The following LHFPL3 variants were observed in gnomAD, a reference collection of about 807,000 sequenced individuals.
The protein encoded by LHFPL3 is LHFPL tetraspan subfamily member 3, also known as LHFPL tetraspan subfamily member 3 protein.
In LHFPL3, 5 loss-of-function variants were observed where a neutral mutation model predicts 19.3. The observed-to-expected ratio is 0.26, with a 90% CI of 0.14 to 0.54. The LOEUF is 0.54. Ranked by LOEUF, LHFPL3 falls within the 20% of genes least tolerant of loss-of-function variation. The probability of loss-of-function intolerance (pLI) is 0.94; values close to 1 mark genes in which losing one functional copy is unlikely to be tolerated. For missense variants in LHFPL3, 249 were observed against 307.4 expected, an observed-to-expected ratio of 0.81 and a Z score of 1.42; for synonymous variants, 133 against 126.2, an observed-to-expected ratio of 1.05 and a Z score of -0.36.
intron 2 of LHFPL3, among the ~76,000 whole-genome samples, chr7:104,760,617 A>AT (rs11436198): frequency 0.24 from 36,252 of 152,020 alleles, 4,590 homozygotes; most frequent in South Asian, 0.48. Context: ...TCCTAGTGTC[A>AT]TTTTTTTAAG....
chr7:104,719,231 T>C (rs1271438871), intron 1 of LHFPL3, among the ~76,000 whole-genome samples: 1 of 152,166 alleles, frequency 6.6e-6, no homozygotes, highest in Non-Finnish European at 1.5e-5. Flanking sequence ...TTATTATACA[T>C]ACAAGTAGCC....
At chr7:104,668,673 A>G (rs1792409696) in intron 1 of LHFPL3, 1 of 1,610,974 alleles carries the variant, frequency 6.2e-7, no homozygotes, top group South Asian at 1.1e-5. Flanking sequence ...GTGGAGCTCC[A>G]GAGATGATTA....
intron 2 of LHFPL3, among the ~76,000 whole-genome samples, chr7:104,761,683 A>T (rs985441801): frequency 6.6e-6 from 1 of 152,188 alleles, no homozygotes; most frequent in African/African-American, 2.4e-5. Flanking sequence ...ATTTGATTTG[A>T]CTCAGAAGCA....
At chr7:104,550,110 G>T (rs752514070) in intron 1 of LHFPL3, among the ~76,000 whole-genome samples, 5 of 152,120 alleles carry the variant, frequency 3.3e-5, no homozygotes, top group Non-Finnish European at 5.9e-5. Context: ...GTGGCCTACT[G>T]CAGAAACCCT....
intron 2 of LHFPL3, among the ~76,000 whole-genome samples, chr7:104,833,035 A>ATATATATTATATATAAAAGATATATTT: frequency 0.027 from 74 of 2,730 alleles, 8 homozygotes; most frequent in African/African-American, 0.11. Context: ...GATATATTAT[A>ATATATATTATATATAAAAGATATATTT]TATATATATT....
At chr7:104,859,850 T>C (rs572695482) in intron 2 of LHFPL3, among the ~76,000 whole-genome samples, 1 of 152,270 alleles carries the variant, frequency 6.6e-6, no homozygotes, top group East Asian at 1.9e-4. Context: ...CTCTGGGTGA[T>C]AATGATGTGT....
chr7:104,813,149 A>G (rs576033401), intron 2 of LHFPL3, among the ~76,000 whole-genome samples: 1 of 152,032 alleles, frequency 6.6e-6, no homozygotes, highest in South Asian at 2.1e-4. Flanking sequence ...GTGAGAGTGC[A>G]CAACTGTGGT....
intron 1 of LHFPL3, among the ~76,000 whole-genome samples, chr7:104,455,208 G>T (rs1190472311): frequency 6.6e-6 from 1 of 152,182 alleles, no homozygotes; most frequent in Non-Finnish European, 1.5e-5. Flanking sequence ...ACATTAATTA[G>T]CATTTGCTTT....
At chr7:104,830,618 G>A (rs1468724547) in intron 2 of LHFPL3, among the ~76,000 whole-genome samples, 1 of 151,878 alleles carries the variant, frequency 6.6e-6, no homozygotes, top group African/African-American at 2.4e-5. Context: ...GTTTTTCTCA[G>A]GTTTGTCAAA....
chr7:104,630,148 T>C (rs1359514446), intron 1 of LHFPL3, among the ~76,000 whole-genome samples: 1 of 151,592 alleles, frequency 6.6e-6, no homozygotes, highest in African/African-American at 2.4e-5. Flanking sequence ...CAGGGAGGAG[T>C]CTCAACAGTC....
chr7:104,774,693 T>C (rs1255836395), intron 2 of LHFPL3, among the ~76,000 whole-genome samples: 3 of 152,228 alleles, frequency 2.0e-5, no homozygotes, highest in Non-Finnish European at 4.4e-5. Context: ...TGATGACTTA[T>C]ATGCTGGGCA....
At chr7:104,340,744 G>A (rs185214589) in intron 1 of LHFPL3, among the ~76,000 whole-genome samples, 7 of 152,252 alleles carry the variant, frequency 4.6e-5, no homozygotes, top group African/African-American at 1.4e-4. Context: ...TGAATTGTAT[G>A]CATTACTAAC....
At chr7:104,429,364 A>G (rs1241069071) in intron 1 of LHFPL3, among the ~76,000 whole-genome samples, 2 of 139,300 alleles carry the variant, frequency 1.4e-5, no homozygotes, top group East Asian at 2.2e-4. Flanking sequence ...CTGGAGTGCA[A>G]TGGTGCAATC....
At chr7:104,350,413 C>T (rs530139987) in intron 1 of LHFPL3, among the ~76,000 whole-genome samples, 221 of 152,318 alleles carry the variant, frequency 1.5e-3, no homozygotes, top group South Asian at 2.5e-3. Flanking sequence ...CTGTGCTCAA[C>T]TGTCTTTTTC....
At chr7:104,348,774 T>A (rs966169171) in intron 1 of LHFPL3, among the ~76,000 whole-genome samples, 1 of 152,128 alleles carries the variant, frequency 6.6e-6, no homozygotes, top group African/African-American at 2.4e-5. Context: ...AGAAAAAGAC[T>A]GAAAGACACT....
At chr7:104,580,303 T>C (rs1355741731) in intron 1 of LHFPL3, among the ~76,000 whole-genome samples, 1 of 152,128 alleles carries the variant, frequency 6.6e-6, no homozygotes, top group Non-Finnish European at 1.5e-5. Flanking sequence ...TGAAGTACAA[T>C]GTTATTTTTT....
chr7:104,615,206 G>A lies in LHFPL3; in HGVS notation c.446-121469G>A, dbSNP rs377129623. Among the ~76,000 whole-genome samples the A allele has an allele frequency of 1.2e-3, 176 of 152,312 alleles. 1 individual carries two copies. The highest frequency in any genetic ancestry group is 0.01 in the South Asian group (49 of 4,824). On this transcript the variant is annotated intron_variant, in intron 1 of 2. Coordinates refer to ENST00000424859, the MANE Select transcript of LHFPL3 (RefSeq NM_199000.3). The stretch of plus-strand genomic sequence containing the variant: ...TCTCTAATACGTGTGAAAAAGTTTG[G>A]CATACCTTCTTCAGATTTACAAAGA...
At chr7:104,852,840 T>TCCTCCTC (rs1471345462) in intron 2 of LHFPL3, among the ~76,000 whole-genome samples, 2 of 151,222 alleles carry the variant, frequency 1.3e-5, no homozygotes, top group Non-Finnish European at 3.0e-5. Context: ...TCCTGCTGCC[T>TCCTCCTC]CCTCCTCCCT....
intron 1 of LHFPL3, among the ~76,000 whole-genome samples, chr7:104,452,945 C>T (rs1333349399): frequency 1.3e-5 from 2 of 152,158 alleles, no homozygotes; most frequent in Non-Finnish European, 2.9e-5. Flanking sequence ...GCACCCACCC[C>T]TTACTTTGAG....
Sources: gnomAD v4.1 joint callset for allele counts (sites outside exome capture counted in the v4.1 genomes callset) on GRCh38, gnomAD v4.1.1 for gene constraint, MANE v1.5 for transcripts, NCBI Gene and HGNC (gene_info 2026-07-23, HGNC 2026-07-21) for gene names.